Variants in ADAMTS12 observed in about 807,000 individuals in gnomAD.
ADAMTS12 encodes the protein ADAM metallopeptidase with thrombospondin type 1 motif 12, also known as A disintegrin and metalloproteinase with thrombospondin motifs 12.
A neutral mutation model predicts 167.8 loss-of-function variants in ADAMTS12; 118 were observed. The ratio of observed to expected loss-of-function variants is 0.70; its 90% confidence interval spans 0.61 to 0.82. ADAMTS12 has a LOEUF of 0.82. ADAMTS12 is among the 40% of genes least tolerant of loss of function. ADAMTS12 has a pLI of 0.00. For synonymous variants in ADAMTS12, 704 were observed against 716.9 expected, an observed-to-expected ratio of 0.98 and a Z score of 0.29; for missense variants, 1,916 against 1,998.8, an observed-to-expected ratio of 0.96 and a Z score of 0.79.
At chr5:33,844,306 G>A (rs766747500) in intron 2 of ADAMTS12, among the ~76,000 whole-genome samples, 2 of 152,216 alleles carry the variant, frequency 1.3e-5, no homozygotes, top group African/African-American at 2.4e-5. Flanking sequence ...GACTGCCGGT[G>A]AGCCAGGCGG....
At chr5:33,613,662 T>C (rs1738840513) in intron 16 of ADAMTS12, among the ~76,000 whole-genome samples, 3 of 152,172 alleles carry the variant, frequency 2.0e-5, no homozygotes, top group Admixed American at 2.0e-4. Flanking sequence ...TCAACCTTCA[T>C]TGTGTTGAAT....
chr5:33,704,433 A>G (rs998319982), intron 3 of ADAMTS12, among the ~76,000 whole-genome samples: 3 of 152,174 alleles, frequency 2.0e-5, no homozygotes, highest in Admixed American at 6.5e-5. Context: ...ATTGATTTAC[A>G]TAGTGTCTGC....
intron 2 of ADAMTS12, among the ~76,000 whole-genome samples, chr5:33,867,138 T>C (rs1749853580): frequency 6.6e-6 from 1 of 152,114 alleles, no homozygotes; most frequent in Non-Finnish European, 1.5e-5. Context: ...GAAGTCATCA[T>C]ATAAAAAAGA....
chr5:33,786,900 C>T (rs528718862), intron 2 of ADAMTS12, among the ~76,000 whole-genome samples: 11 of 152,326 alleles, frequency 7.2e-5, no homozygotes, highest in Non-Finnish European at 1.6e-4. Flanking sequence ...AATTCCCCTG[C>T]CTTTGGTGGG....
At chr5:33,725,457 T>C (rs1304525490) in intron 3 of ADAMTS12, among the ~76,000 whole-genome samples, 1 of 152,244 alleles carries the variant, frequency 6.6e-6, no homozygotes, top group Non-Finnish European at 1.5e-5. Flanking sequence ...TCCCCACTTA[T>C]GATACTAAAT....
At chr5:33,569,429 C>T (rs918074203) in intron 19 of ADAMTS12, among the ~76,000 whole-genome samples, 4 of 152,194 alleles carry the variant, frequency 2.6e-5, no homozygotes, top group African/African-American at 4.8e-5. Flanking sequence ...CAGCAGCATT[C>T]GTGGATCACG....
intron 3 of ADAMTS12, among the ~76,000 whole-genome samples, chr5:33,727,979 A>G (rs1374697647): frequency 6.6e-6 from 1 of 152,224 alleles, no homozygotes; most frequent in African/African-American, 2.4e-5. Context: ...CCCTCAATAG[A>G]TACCTGCAGA....
chr5:33,856,704 T>TAGC (rs1749413784), intron 2 of ADAMTS12, among the ~76,000 whole-genome samples: 1 of 151,944 alleles, frequency 6.6e-6, no homozygotes, highest in Non-Finnish European at 1.5e-5. Flanking sequence ...CCACTAGATA[T>TAGC]AGCCCTGCAC....
At chr5:33,760,418 C>T (rs948791319) in intron 2 of ADAMTS12, among the ~76,000 whole-genome samples, 4 of 151,730 alleles carry the variant, frequency 2.6e-5, no homozygotes, top group Non-Finnish European at 4.4e-5. Flanking sequence ...GGCAGATACT[C>T]TAGCTGAATA....
Position 33,527,231 on chromosome 5 carries a change from C to T in ADAMTS12, c.4742G>A (p.Arg1581Lys). ...CPQTHITHTQ[R>K]QRRQRLLQKS... ...TTGGAGCAACCGTTGCCTTCTTTGCCTTTGGGTGTGTGTGATGTGTGTCTG... is the reference window on the plus strand; with the variant it reads ...TTGGAGCAACCGTTGCCTTCTTTGCTTTTGGGTGTGTGTGATGTGTGTCTG... The change falls in exon 24 of 24, where the codon AGG becomes AAG. Residue 1581 changes from arginine (R) to lysine (K), a missense_variant. Arg to Lys is a conservative substitution (Grantham distance 26). Coordinates refer to ENST00000504830, the MANE Select transcript of ADAMTS12 (RefSeq NM_030955.4). The T allele has an allele frequency of 6.2e-7, 1 of 1,614,054 alleles. No individual in the cohort carries two copies. The highest frequency in any genetic ancestry group is 8.5e-7 in the Non-Finnish European group (1 of 1,180,004).
intron 3 of ADAMTS12, among the ~76,000 whole-genome samples, chr5:33,704,563 T>C (rs1743119070): frequency 6.6e-6 from 1 of 152,172 alleles, no homozygotes; most frequent in African/African-American, 2.4e-5. Flanking sequence ...AATAATGTCT[T>C]ATTGTGGTTT....
At chr5:33,812,881 T>C (rs1022735356) in intron 2 of ADAMTS12, among the ~76,000 whole-genome samples, 1 of 152,196 alleles carries the variant, frequency 6.6e-6, no homozygotes, top group Non-Finnish European at 1.5e-5. Flanking sequence ...GTCCTGGGTA[T>C]ATATCCATAT....
chr5:33,666,036 G>T lies in ADAMTS12; in HGVS notation c.916-3996C>A, dbSNP rs553370056. Among the ~76,000 whole-genome samples, 7 of 152,326 alleles carry T rather than the reference G, an allele frequency of 4.6e-5. No individual in the cohort carries two copies. In the East Asian group the frequency reaches 1.2e-3, roughly 25 times the overall value. ...AGTAACCAACGGAATCCTCTAAAGG[G>T]TATTTAAACTCCCCAAAATTCTGTA... On this transcript the variant is annotated intron_variant, in intron 5 of 23. Transcript: ENST00000504830.
chr5:33,874,280 C>T (rs1750146694), intron 2 of ADAMTS12, among the ~76,000 whole-genome samples: 2 of 152,138 alleles, frequency 1.3e-5, no homozygotes, highest in African/African-American at 4.8e-5. Context: ...TAACAGGAAC[C>T]TCACTGAAGA....
chr5:33,532,738 A>G (rs25753), intron 23 of ADAMTS12, among the ~76,000 whole-genome samples: 73,904 of 151,962 alleles, frequency 0.49, 19,224 homozygotes, highest in East Asian at 0.78. Flanking sequence ...TAAAACTTCA[A>G]ATGGTTTCTA....
At chr5:33,569,713 T>C (rs959914117) in intron 19 of ADAMTS12, among the ~76,000 whole-genome samples, 5 of 152,206 alleles carry the variant, frequency 3.3e-5, no homozygotes, top group Non-Finnish European at 5.9e-5. Context: ...AGGAATGCAG[T>C]TCCTCACCAG....
intron 22 of ADAMTS12, among the ~76,000 whole-genome samples, chr5:33,539,582 C>T (rs1246725545): frequency 6.6e-6 from 1 of 152,110 alleles, no homozygotes; most frequent in East Asian, 1.9e-4. Flanking sequence ...AATATTTTCC[C>T]TTCTCAACTC....
At position 33,649,053 on chromosome 5, in the gene ADAMTS12, T is replaced by C. The variant is rs1260259323; in HGVS notation, c.1335-87A>G. ...CATTCAACAGAAACTTCCCTCTGGT[T>C]TACTCTTTGTCCTTTAAGACAACTT... On this transcript the variant is annotated intron_variant, in intron 8 of 23. Coordinates refer to ENST00000504830, the MANE Select transcript of ADAMTS12 (RefSeq NM_030955.4). 5 of 1,509,866 alleles carry C rather than the reference T, an allele frequency of 3.3e-6. No homozygotes were observed. In the East Asian group the frequency reaches 9.1e-5, roughly 28 times the overall value. The allele number at this position is 1,509,866 out of a possible 1,614,324, so 93.5% of individuals were successfully genotyped here.
chr5:33,739,552 T>A (rs1561245132), intron 3 of ADAMTS12, among the ~76,000 whole-genome samples: 1 of 152,316 alleles, frequency 6.6e-6, no homozygotes. Flanking sequence ...CCTGAATAAG[T>A]AGGCACTCAA....
Sources: allele counts gnomAD v4.1 joint callset (sites outside exome capture counted in the v4.1 genomes callset), GRCh38; gene constraint gnomAD v4.1.1; transcripts MANE v1.5; gene names NCBI Gene and HGNC (gene_info 2026-07-23, HGNC 2026-07-21).